The following BACE1 variants were observed in gnomAD, a reference collection of about 807,000 sequenced individuals.
BACE1 encodes the protein APP beta-secretase.
A neutral mutation model predicts 54.0 loss-of-function variants in BACE1; 21 were observed. The observed-to-expected ratio is 0.39, with a 90% CI of 0.28 to 0.56. BACE1 has a LOEUF of 0.56. Ranked by LOEUF, BACE1 falls within the 20% of genes least tolerant of loss-of-function variation. BACE1 has a pLI of 0.63. For synonymous variants in BACE1, 232 were observed against 260.9 expected, an observed-to-expected ratio of 0.89 and a Z score of 1.07; for missense variants, 511 against 661.2, an observed-to-expected ratio of 0.77 and a Z score of 2.49.
chr11:117,292,800 G>T (rs540563007), intron 5 of BACE1: 1 of 373,406 alleles, frequency 2.7e-6, no homozygotes. Context: ...CCAAGGCTAC[G>T]AAGCAAGGCA....
intron 5 of BACE1, chr11:117,292,750 A>G (rs180679708): frequency 7.0e-5 from 17 of 242,712 alleles, no homozygotes; most frequent in Admixed American, 1.1e-4. Flanking sequence ...TCCAAAGACA[A>G]GACTCTTCAT....
At chr11:117,290,727 C>A in intron 7 of BACE1, 68 bp from the exon 8 acceptor site, 2 of 1,585,632 alleles carry the variant, frequency 1.3e-6, no homozygotes, top group South Asian at 1.2e-5. Flanking sequence ...GCCTTGTAGG[C>A]ATCTATGCCC....
At chr11:117,300,463 T>C (rs540612373) in intron 1 of BACE1, among the ~76,000 whole-genome samples, 2 of 151,294 alleles carry the variant, frequency 1.3e-5, no homozygotes, top group African/African-American at 4.9e-5. Flanking sequence ...AGCGGGGGGA[T>C]GGGGGGGGCT....
intron 3 of BACE1, chr11:117,294,232 T>C (rs2034537381): frequency 2.9e-6 from 1 of 343,004 alleles, no homozygotes; most frequent in Non-Finnish European, 5.2e-6. Context: ...TTTTTTTTTT[T>C]TGAGACAGAG....
chr11:117,301,651 A>G (rs1406427408), intron 1 of BACE1, among the ~76,000 whole-genome samples: 1 of 151,654 alleles, frequency 6.6e-6, no homozygotes, highest in Non-Finnish European at 1.5e-5. Context: ...AAGCTGACCC[A>G]ACGCAGTCCT....
chr11:117,315,477 T>C lies in BACE1; in HGVS notation c.261+58A>G. 6.5e-7 allele frequency: 1 copy of C among 1,545,314 alleles called. No homozygotes were observed. The highest frequency in any genetic ancestry group is 8.7e-7 in the Non-Finnish European group (1 of 1,153,022). The stretch of plus-strand genomic sequence containing the variant: ...CAGGGGCTAGCTTGAGGCATCCCCA[T>C]CCTGTCTCCCCTCTGCTCATGCAGG... On this transcript the variant is annotated intron_variant, in intron 1 of 8. Transcript: ENST00000313005. The surrounding 1 kb of genome is among the most constrained non-coding windows in gnomAD (Gnocchi z 5.5).
Position 117,295,166 on chromosome 11 carries a change from C to G in BACE1, c.532G>C (p.Gly178Arg). 6.2e-7 allele frequency: 1 copy of G among 1,614,222 alleles called. No homozygotes were observed. The highest frequency in any genetic ancestry group is 1.3e-5 in the African/African-American group (1 of 75,066). Residue 178 changes from glycine (G) to arginine (R), a missense_variant, in exon 3 of 9, where the codon GGC becomes CGC. By Grantham distance (125) the Gly-to-Arg change is moderately radical. Coordinates refer to ENST00000313005, the MANE Select transcript of BACE1 (RefSeq NM_012104.6). ...KFFINGSNWEGILGLAYAEIA... is the reference protein window; with the variant it reads ...KFFINGSNWERILGLAYAEIA... The stretch of plus-strand genomic sequence containing the variant: ...TCAGCATAGGCCAGCCCCAGGATGC[C>G]TTCCCAGTTGGAGCCGTTGATGAAG...
At chr11:117,291,987 T>C in intron 5 of BACE1, 174 bp from the exon 6 acceptor site, 1 of 480,590 alleles carries the variant, frequency 2.1e-6, no homozygotes, top group Non-Finnish European at 3.8e-6. Context: ...ATCTCTAAAG[T>C]GAGGATAAAA....
At chr11:117,302,196 G>A (rs2034740210) in intron 1 of BACE1, among the ~76,000 whole-genome samples, 1 of 152,104 alleles carries the variant, frequency 6.6e-6, no homozygotes, top group South Asian at 2.1e-4. Context: ...AGCTGGGTGT[G>A]GTGGCAGGCA....
At chr11:117,299,237 G>A (rs2034668259) in intron 1 of BACE1, among the ~76,000 whole-genome samples, 1 of 152,148 alleles carries the variant, frequency 6.6e-6, no homozygotes, top group Non-Finnish European at 1.5e-5. Context: ...CAGAAAAATG[G>A]TAATTTGTAA....
At chr11:117,291,272 G>C (rs1229042559) in intron 6 of BACE1, among the ~76,000 whole-genome samples, 1 of 151,814 alleles carries the variant, frequency 6.6e-6, no homozygotes, top group Non-Finnish European at 1.5e-5. Context: ...GCCATAAAGG[G>C]GAAGAGTTTT....
In BACE1 at chr11:117,293,231, G is replaced by A. The variant is rs774568343; in HGVS notation, c.706-43C>T. On this transcript the variant is annotated intron_variant, in intron 4 of 8. Coordinates refer to ENST00000313005, the MANE Select transcript of BACE1 (RefSeq NM_012104.6). This position sits in a 1 kb window ranked among gnomAD's most constrained non-coding sequence, Gnocchi z 4.1. ...CAGGTACCCGTGTCCTGGCACAGAA[G>A]GAGAGTGAGTCCCCCAAGGACCAAG... 27 of 1,606,628 alleles carry A rather than the reference G, an allele frequency of 1.7e-5. No homozygotes were observed. Among genetic ancestry groups the A allele is most frequent in the Non-Finnish European group, 2.2e-5 (26 of 1,176,618 alleles).
chr11:117,304,155 C>CA (rs1370125318), intron 1 of BACE1, among the ~76,000 whole-genome samples: 1 of 152,218 alleles, frequency 6.6e-6, no homozygotes, highest in African/African-American at 2.4e-5. Context: ...GCAAATGATG[C>CA]AAGGAGAGGC....
At chr11:117,289,934 T>C (rs1257318888) in intron 8 of BACE1, 127 bp from the exon 9 acceptor site, 3 of 847,332 alleles carry the variant, frequency 3.5e-6, no homozygotes, top group Non-Finnish European at 5.6e-6. Flanking sequence ...TCCCAGGAGA[T>C]ATTTAGGAGC....
rs1438366825 is a variant in BACE1 at position 117,286,502 on chromosome 11, A to G, written c.*3064T>C. On this transcript the variant is annotated 3_prime_UTR_variant, in exon 9 of 9. Coordinates refer to ENST00000313005, the MANE Select transcript of BACE1 (RefSeq NM_012104.6). ...GACTCCAGGGAAAGGACATTATTAT[A>G]TTACCAATAGCTGATTTTTTTTTCC... 1 of 152,612 alleles carries G rather than the reference A, an allele frequency of 6.6e-6. No individual in the cohort carries two copies. The highest frequency in any genetic ancestry group is 6.5e-5 in the Admixed American group (1 of 15,272). 9.5% of individuals were successfully genotyped at this position (152,612 alleles called of 1,614,324 possible). A position where few individuals can be genotyped will look rare whatever the true frequency, so the allele number is the denominator to read the frequency against.
chr11:117,293,841 A>G lies in BACE1; in HGVS notation c.705+30T>C, dbSNP rs202014203. 3.9e-4 allele frequency: 618 copies of G among 1,592,180 alleles called. 2 individuals carry two copies. In the African/African-American group the frequency reaches 7.7e-3, roughly 20 times the overall value. ...TGGCACCCATCTCTCCCTCAATGCC[A>G]GGACCTCCCCTCTCTGAGGACCTAC... On this transcript the variant is annotated intron_variant, in intron 4 of 8. Transcript: ENST00000313005. This position sits in a 1 kb window ranked among gnomAD's most constrained non-coding sequence, Gnocchi z 4.1.
At chr11:117,300,381 C>G (rs1175183402) in intron 1 of BACE1, among the ~76,000 whole-genome samples, 4 of 152,226 alleles carry the variant, frequency 2.6e-5, no homozygotes, top group Non-Finnish European at 5.9e-5. Flanking sequence ...AATTCTGGTC[C>G]TGTCCTTCAG....
chr11:117,308,796 C>CA (rs576395342), intron 1 of BACE1, among the ~76,000 whole-genome samples: 11 of 150,980 alleles, frequency 7.3e-5, no homozygotes, highest in Middle Eastern at 3.4e-3. Flanking sequence ...CTAAAAATAC[C>CA]AAAAAAAATA....
chr11:117,311,162 C>T (rs1358545468), intron 1 of BACE1, among the ~76,000 whole-genome samples: 3 of 152,030 alleles, frequency 2.0e-5, no homozygotes, highest in African/African-American at 4.8e-5. Flanking sequence ...TGGAGACCAG[C>T]CTGGGCAACA....
Sources: allele counts gnomAD v4.1 joint callset (sites outside exome capture counted in the v4.1 genomes callset), GRCh38; gene constraint gnomAD v4.1.1; non-coding constraint Gnocchi (gnomAD v3.1); transcripts MANE v1.5; gene names NCBI Gene and HGNC (gene_info 2026-07-23, HGNC 2026-07-21).